ENTPD8: variants seen among roughly 807,000 people sequenced by gnomAD.
ENTPD8 encodes ectonucleoside triphosphate diphosphohydrolase 8, also known as E-NTPDase 8.
Under a neutral mutation model 47.0 loss-of-function variants are expected in ENTPD8, and 35 were observed. The ratio of observed to expected loss-of-function variants is 0.75; its 90% CI spans 0.57 to 0.99. ENTPD8 has a LOEUF of 0.99. Ranked by LOEUF, ENTPD8 falls within the 50% of genes least tolerant of loss-of-function variation. The pLI, the probability that ENTPD8 is intolerant of heterozygous loss-of-function variation, is 0.00. For synonymous variants in ENTPD8, 308 were observed against 290.5 expected, an observed-to-expected ratio of 1.06 and a Z score of -0.61; for missense variants, 668 against 649.9, an observed-to-expected ratio of 1.03 and a Z score of -0.30.
chr9:137,440,083 C>A (rs1472974074), intron 1 of ENTPD8, among the ~76,000 whole-genome samples: 2 of 37,102 alleles, frequency 5.4e-5, no homozygotes, highest in East Asian at 2.2e-3. Flanking sequence ...CCAGGACAGC[C>A]CCCCCAGACC....
In ENTPD8 at chr9:137,436,931, C is replaced by T. The variant is rs753417933; in HGVS notation, c.493G>A (p.Gly165Arg). ...CAACCAAAGGCACCTTCGGCCTGCC[C>T]GGCCAGGAGCTCGGCACCCCAAAAG... ...VDFWGAELLA[G>R]QAEGAFGWIT... The change falls in exon 5 of 10, where the codon GGG becomes AGG. Residue 165 changes from glycine (G) to arginine (R), a missense_variant. Physicochemically the swap from Gly to Arg is moderately radical, Grantham distance 125. Coordinates refer to ENST00000371506, the MANE Select transcript of ENTPD8 (RefSeq NM_001033113.2). The T allele has an allele frequency of 1.1e-5, 18 of 1,612,960 alleles. No individual in the cohort carries two copies. The highest frequency in any genetic ancestry group is 1.6e-4 in the Middle Eastern group (1 of 6,084).
rs1243734022 is a variant in ENTPD8, at chr9:137,438,264, G to T, written c.22C>A (p.Gln8Lys). The change falls in exon 2 of 10, where the codon CAG (glutamine) becomes AAG (lysine). Residue 8 changes from glutamine to lysine, a missense_variant. By Grantham distance (53) the Gln-to-Lys change is moderately conservative (BLOSUM62 1). Transcript: ENST00000371506. The surrounding 1 kb of genome is among the most constrained non-coding windows in gnomAD (Gnocchi z 5.7). MGLSRKE[Q>K]VFLALLGASG... ...GCCCCCAGCAGGGCCAAGAAGACCT[G>T]CTCCTTCCGGGACAGCCCCATGGTG... is the stretch of plus-strand genomic sequence containing the variant. The T allele has an allele frequency of 6.3e-7, 1 of 1,592,358 alleles. No individual in the cohort carries two copies. The highest frequency in any genetic ancestry group is 2.3e-5 in the East Asian group (1 of 44,186).
chr9:137,436,166 C>T lies in ENTPD8; in HGVS notation c.897G>A (p.Leu299=), dbSNP rs1443535859. Residue 299 remains leucine, a synonymous_variant, in exon 7 of 10, where the codon CTG becomes CTA. Coordinates refer to ENST00000371506, the MANE Select transcript of ENTPD8 (RefSeq NM_001033113.2). ...ESPCVHATPP[L]SLPQNLTVEG... ...CAACTGTGAGGTTCTGGGGGAGGCT[C>T]AGCGGGGGCGTGGCGTGGACACAGG... 1.2e-6 allele frequency: 2 copies of T among 1,612,930 alleles called. No individual in the cohort carries two copies. The highest frequency in any genetic ancestry group is 1.7e-6 in the Non-Finnish European group (2 of 1,179,962).
At position 137,436,247 on chromosome 9, in the gene ENTPD8, C is replaced by T. The variant is rs202233440; in HGVS notation, c.816G>A (p.Pro272=). Residue 272 remains proline (P), a synonymous_variant, in exon 7 of 10, where the codon CCG becomes CCA. Transcript: ENST00000371506. ...QSRPAALLRH[P]CYLSGYQTTL... ...TGGTCTGGTAGCCGCTGAGGTAGCACGGGTGACGGAGCAGGGCAGCCGGGC... is the reference window on the plus strand; with the variant it reads ...TGGTCTGGTAGCCGCTGAGGTAGCATGGGTGACGGAGCAGGGCAGCCGGGC... The T allele has an allele frequency of 9.7e-5, 155 of 1,603,566 alleles. 1 individual carries two copies. In the East Asian group the frequency reaches 2.3e-3, roughly 23 times the overall value.
intron 3 of ENTPD8, 52 bp downstream of exon 3, chr9:137,437,915 C>A (rs989106801): frequency 6.2e-5 from 93 of 1,489,320 alleles, no homozygotes; most frequent in Non-Finnish European, 7.7e-5. Context: ...GGAATCCCAG[C>A]CAGGCAGCAA....
In ENTPD8 at chr9:137,436,673, G is replaced by T; in HGVS notation, c.634C>A (p.Gln212Lys). ...GALDMGGAST[Q>K]ITFVPGGPIL... ...GGGCCCCCAGGCACGAACGTGATCTGGGTGGAGGCCCCTCCCATGTCCAGG... is the reference window on the plus strand; with the variant it reads ...GGGCCCCCAGGCACGAACGTGATCTTGGTGGAGGCCCCTCCCATGTCCAGG... The change falls in exon 6 of 10, where the codon CAG becomes AAG. Residue 212 changes from glutamine to lysine, a missense_variant. By Grantham distance (53) the Gln-to-Lys change is moderately conservative (BLOSUM62 1). Transcript: ENST00000371506. The T allele has an allele frequency of 6.3e-7, 1 of 1,598,994 alleles. No individual in the cohort carries two copies. Among genetic ancestry groups the T allele is most frequent in the Non-Finnish European group, 8.5e-7 (1 of 1,173,364 alleles).
At position 137,438,152 on chromosome 9, in the gene ENTPD8, G is replaced by T. The variant is rs747800597; in HGVS notation, c.126+8C>A. 11 of 1,609,576 alleles carry T rather than the reference G, an allele frequency of 6.8e-6. No individual in the cohort carries two copies. The highest frequency in any genetic ancestry group is 1.6e-4 in the Middle Eastern group (1 of 6,064). ...CCGGCCCGGCCTCCCCTGCCGGCGG[G>T]GACGCACCTTGATGTCTGTGGGCAG... On this transcript the variant is annotated splice_region_variant and intron_variant, in intron 2 of 9. Transcript: ENST00000371506. The surrounding 1 kb of genome is among the most constrained non-coding windows in gnomAD (Gnocchi z 5.7).
chr9:137,435,473 T>G, intron 8 of ENTPD8, 135 bp from the exon 9 acceptor site: 1 of 1,407,014 alleles, frequency 7.1e-7, no homozygotes, highest in Middle Eastern at 2.6e-4. Flanking sequence ...AGCCCCTCCC[T>G]GGCCCCACCG....
Position 137,438,385 on chromosome 9 carries a change from C to G in ENTPD8, c.-20-80G>C. The G allele has an allele frequency of 7.1e-7, 1 of 1,404,562 alleles. No individual in the cohort carries two copies. Among genetic ancestry groups the G allele is most frequent in the Admixed American group, 2.7e-5 (1 of 36,680 alleles). 87.0% of individuals were successfully genotyped at this position (1,404,562 alleles called of 1,614,324 possible). On this transcript the variant is annotated intron_variant, in intron 1 of 9. Transcript: ENST00000371506. This position sits in a 1 kb window ranked among gnomAD's most constrained non-coding sequence, Gnocchi z 5.7. Reference sequence around the variant, plus strand: ...CTCCAGAGGCAGAGGCTTCGCTCCCCGTCTCCCTGGAGACGCACCCCTGGA... The same window carrying G: ...CTCCAGAGGCAGAGGCTTCGCTCCCGGTCTCCCTGGAGACGCACCCCTGGA...
rs774334646 is a variant in ENTPD8 at position 137,436,172 on chromosome 9, G to A, written c.891C>T (p.Pro297=). 6.2e-7 allele frequency: 1 copy of A among 1,612,934 alleles called. No individual in the cohort carries two copies. The highest frequency in any genetic ancestry group is 8.5e-7 in the Non-Finnish European group (1 of 1,179,966). Residue 297 remains proline (P), a synonymous_variant, in exon 7 of 10, where the codon CCC becomes CCT. Transcript: ENST00000371506. The part of the protein sequence containing the change: ...LYESPCVHAT[P]PLSLPQNLTV... ...TGAGGTTCTGGGGGAGGCTCAGCGG[G>A]GGCGTGGCGTGGACACAGGGTGACT...
chr9:137,437,483 G>A (rs1449397288), intron 3 of ENTPD8, among the ~76,000 whole-genome samples, 174 bp from the exon 4 acceptor site: 1 of 152,200 alleles, frequency 6.6e-6, no homozygotes, highest in Non-Finnish European at 1.5e-5. Flanking sequence ...CTCTGGAGGG[G>A]GTGCGGCCCT....
Position 137,437,232 on chromosome 9 carries a change from C to CCTCCAAG in ENTPD8, c.321_322insCTTGGAG (p.Val108LeufsTer184). ...CGATGCTGGGCCTCTGGGATCAGCACCAGCGCCTCCTCCAAGCAGCCCTGC... is the reference window on the plus strand; with the variant it reads ...CGATGCTGGGCCTCTGGGATCAGCACCTCCAAGCAGCGCCTCCTCCAAGCAGCCCTGC... On this transcript the variant is annotated frameshift_variant, in exon 4 of 10. Coordinates refer to ENST00000371506, the MANE Select transcript of ENTPD8 (RefSeq NM_001033113.2). LOFTEE classifies it high-confidence loss of function. The CCTCCAAG allele has an allele frequency of 6.2e-7, 1 of 1,613,050 alleles. No individual in the cohort carries two copies. Among genetic ancestry groups the CCTCCAAG allele is most frequent in the Non-Finnish European group, 8.5e-7 (1 of 1,180,002 alleles).
chr9:137,437,955 C>G lies in ENTPD8; in HGVS notation c.244+12G>C. ...CAGGTCCCAGCACCGGGCTGCAGAA[C>G]AGCCCACTAACCTTCCACCTGGCAG... On this transcript the variant is annotated intron_variant, in intron 3 of 9. Coordinates refer to ENST00000371506, the MANE Select transcript of ENTPD8 (RefSeq NM_001033113.2). 1 of 1,607,028 alleles carries G rather than the reference C, an allele frequency of 6.2e-7. No homozygotes were observed. Among genetic ancestry groups the G allele is most frequent in the Non-Finnish European group, 8.5e-7 (1 of 1,175,658 alleles).
Position 137,436,898 on chromosome 9 carries a change from C to A in ENTPD8, c.526G>T (p.Val176Phe), listed in dbSNP as rs1478999336. The stretch of plus-strand genomic sequence containing the variant: ...ACCAGCGTCCCCAAGCCGTAGTTGA[C>A]AGTGATCCAACCAAAGGCACCTTCG... Reference protein sequence around the residue: ...QAEGAFGWITVNYGLGTLVKY... With the variant: ...QAEGAFGWITFNYGLGTLVKY... The change falls in exon 5 of 10, where the codon GTC becomes TTC. Residue 176 changes from valine (V) to phenylalanine (F), a missense_variant. Physicochemically the swap from Val to Phe is conservative, Grantham distance 50 (BLOSUM62 -1). Transcript: ENST00000371506. 6.2e-7 allele frequency: 1 copy of A among 1,613,040 alleles called. No homozygotes were observed. The highest frequency in any genetic ancestry group is 1.7e-5 in the Admixed American group (1 of 60,028).
In ENTPD8 at chr9:137,434,560, C is replaced by A; in HGVS notation, c.*354G>T. Reference sequence around the variant, plus strand: ...CACCCCTCTCCGCCCCTCCTGAGGCCCCATCAGGAGCAGGACCCCTGTGCC... The same window carrying A: ...CACCCCTCTCCGCCCCTCCTGAGGCACCATCAGGAGCAGGACCCCTGTGCC... On this transcript the variant is annotated 3_prime_UTR_variant, in exon 10 of 10. Transcript: ENST00000371506. The A allele has an allele frequency of 1.6e-6, 1 of 637,644 alleles. No individual in the cohort carries two copies. The highest frequency in any genetic ancestry group is 2.6e-6 in the Non-Finnish European group (1 of 380,980). The allele number at this position is 637,644 out of a possible 1,614,324, so 39.5% of individuals were successfully genotyped here. A position where few individuals can be genotyped will look rare whatever the true frequency, so the allele number is the denominator to read the frequency against.
chr9:137,436,379 CGCCCTCCCCGGTGCCGGATGA>C, intron 6 of ENTPD8, 103 bp from the exon 7 acceptor site: 1 of 1,410,090 alleles, frequency 7.1e-7, no homozygotes, highest in East Asian at 3.1e-5. Context: ...ATACCCTGTG[CGCCCTCCCCGGTGCCGGATGA>C]CCCACGCCAG....
At chr9:137,439,338 C>T (rs919288969) in intron 1 of ENTPD8, among the ~76,000 whole-genome samples, 5 of 152,152 alleles carry the variant, frequency 3.3e-5, no homozygotes, top group African/African-American at 9.7e-5. Flanking sequence ...GTGCCCCATA[C>T]AGCCCCACTT....
At position 137,438,381 on chromosome 9, in the gene ENTPD8, T is replaced by C. The variant is rs1270510670; in HGVS notation, c.-20-76A>G. The C allele has an allele frequency of 3.6e-6, 5 of 1,406,154 alleles. 1 individual carries two copies. In the East Asian group the frequency reaches 1.3e-4, roughly 36 times the overall value. 87.1% of individuals were successfully genotyped at this position (1,406,154 alleles called of 1,614,324 possible). A position where few individuals can be genotyped will look rare whatever the true frequency, so the allele number is the denominator to read the frequency against. On this transcript the variant is annotated intron_variant, in intron 1 of 9. Coordinates refer to ENST00000371506, the MANE Select transcript of ENTPD8 (RefSeq NM_001033113.2). This position sits in a 1 kb window ranked among gnomAD's most constrained non-coding sequence, Gnocchi z 5.7. The stretch of plus-strand genomic sequence containing the variant: ...CGCCCTCCAGAGGCAGAGGCTTCGC[T>C]CCCCGTCTCCCTGGAGACGCACCCC...
rs746939533 is a variant in ENTPD8 at position 137,435,110 on chromosome 9, G to A, written c.1297-5C>T. The A allele has an allele frequency of 1.0e-5, 16 of 1,607,630 alleles. No homozygotes were observed. The highest frequency in any genetic ancestry group is 1.1e-5 in the South Asian group (1 of 90,748). On this transcript the variant is annotated splice_polypyrimidine_tract_variant and splice_region_variant and intron_variant, in intron 9 of 9. Coordinates refer to ENST00000371506, the MANE Select transcript of ENTPD8 (RefSeq NM_001033113.2). Reference sequence around the variant, plus strand: ...GCCAATGTCCACACCGCCCGCCTGCGGGACACACGGCTGCTCAGGGCTGCG... The same window carrying A: ...GCCAATGTCCACACCGCCCGCCTGCAGGACACACGGCTGCTCAGGGCTGCG...
Sources: allele counts gnomAD v4.1 joint callset (sites outside exome capture counted in the v4.1 genomes callset), GRCh38; gene constraint gnomAD v4.1.1; non-coding constraint Gnocchi (gnomAD v3.1); transcripts MANE v1.5; gene names NCBI Gene and HGNC (gene_info 2026-07-23, HGNC 2026-07-21).